Variants in SPINK9 observed in about 807,000 individuals in gnomAD.
SPINK9 encodes serine peptidase inhibitor Kazal type 9.
Under a neutral mutation model 10.8 loss-of-function variants are expected in SPINK9, and 3 were observed. The ratio of observed to expected loss-of-function variants is 0.28; its 90% CI spans 0.13 to 0.72. The LOEUF is 0.72. SPINK9 is among the 30% of genes least tolerant of loss of function. The pLI, the probability that SPINK9 is intolerant of heterozygous loss-of-function variation, is 0.74. For synonymous variants in SPINK9, 30 were observed against 31.2 expected, an observed-to-expected ratio of 0.96 and a Z score of 0.12; for missense variants, 101 against 103.2, an observed-to-expected ratio of 0.98 and a Z score of 0.09.
At chr5:148,327,551 T>A (rs1581185464) in intron 2 of SPINK9, among the ~76,000 whole-genome samples, 2 of 152,298 alleles carry the variant, frequency 1.3e-5, no homozygotes, top group Middle Eastern at 6.8e-3. Context: ...TGCCATTGCT[T>A]TTGGTGTTTT....
chr5:148,327,405 G>A (rs1266522759), intron 2 of SPINK9, among the ~76,000 whole-genome samples: 1 of 152,000 alleles, frequency 6.6e-6, no homozygotes, highest in African/African-American at 2.4e-5. Context: ...CTGGATATTA[G>A]CCCTTTGTCA....
At chr5:148,337,348 A>G (rs1757230200) in intron 2 of SPINK9, among the ~76,000 whole-genome samples, 2 of 152,142 alleles carry the variant, frequency 1.3e-5, no homozygotes, top group Non-Finnish European at 1.5e-5. Context: ...ATGCATACCT[A>G]TCTTTGCATC....
At chr5:148,323,941 A>C in intron 2 of SPINK9, 1 of 647,304 alleles carries the variant, frequency 1.5e-6, no homozygotes, top group East Asian at 2.8e-5. Flanking sequence ...TAAAGAGAAT[A>C]ATCACCCCTA....
upstream of SPINK9, chr5:148,335,493 T>C: frequency 8.7e-6 from 7 of 809,142 alleles, no homozygotes; most frequent in Non-Finnish European, 1.4e-5. Flanking sequence ...TACTTAGAAA[T>C]TGCTATTTCA....
chr5:148,337,418 G>GAATT (rs1164959672), intron 2 of SPINK9, among the ~76,000 whole-genome samples: 1 of 151,946 alleles, frequency 6.6e-6, no homozygotes, highest in African/African-American at 2.4e-5. Context: ...ATGAATGAAT[G>GAATT]AATTAATTAA....
upstream of SPINK9, among the ~76,000 whole-genome samples, chr5:148,334,082 T>G (rs6580545): frequency 0.39 from 59,240 of 151,580 alleles, 13,458 homozygotes; most frequent in African/African-American, 0.62. Context: ...CCAAGAAGAA[T>G]AATGAGGGGG....
At chr5:148,332,366 C>T (rs1757162471), upstream of SPINK9, among the ~76,000 whole-genome samples, 1 of 152,216 alleles carries the variant, frequency 6.6e-6, no homozygotes, top group African/African-American at 2.4e-5. Flanking sequence ...TCCCAACACA[C>T]ACATATTACA....
upstream of SPINK9, among the ~76,000 whole-genome samples, chr5:148,335,083 T>A (rs567773126): frequency 6.6e-6 from 1 of 152,308 alleles, no homozygotes; most frequent in South Asian, 2.1e-4. Context: ...ATTAGTAGTA[T>A]AAAGTGTCCT....
intron 3 of SPINK9, among the ~76,000 whole-genome samples, chr5:148,339,429 T>C (rs1757260691): frequency 6.6e-6 from 1 of 151,458 alleles, no homozygotes; most frequent in Admixed American, 6.6e-5. Context: ...TCCCTTAAAT[T>C]AAAAAAAAAT....
At chr5:148,322,716 C>T (rs923712559) in intron 1 of SPINK9, among the ~76,000 whole-genome samples, 6 of 152,136 alleles carry the variant, frequency 3.9e-5, no homozygotes, top group Admixed American at 3.3e-4. Flanking sequence ...AAGTGGCAGA[C>T]GGGTCTACTG....
chr5:148,328,527 T>G (rs1255391268), intron 2 of SPINK9, among the ~76,000 whole-genome samples: 1 of 152,192 alleles, frequency 6.6e-6, no homozygotes, highest in Non-Finnish European at 1.5e-5. Context: ...TGGCCAGAAC[T>G]TCCAACACTA....
In SPINK9 at chr5:148,336,406, T is replaced by G. The variant is rs1581190237; in HGVS notation, c.56-16T>G. 1.2e-6 allele frequency: 2 copies of G among 1,613,300 alleles called. No individual in the cohort carries two copies. The highest frequency in any genetic ancestry group is 1.7e-6 in the Non-Finnish European group (2 of 1,179,430). ...TTCCAGAGTTTAATATTGCCTTGTC[T>G]TTGTTTTTCTTCCAGGTATAGAATG... On this transcript the variant is annotated splice_polypyrimidine_tract_variant and intron_variant, in intron 1 of 3. Transcript: ENST00000377906.
intron 3 of SPINK9, among the ~76,000 whole-genome samples, chr5:148,339,256 G>C (rs1301717430): frequency 6.6e-6 from 1 of 151,836 alleles, no homozygotes; most frequent in Admixed American, 6.6e-5. Context: ...TGATATACTG[G>C]AATGTATAAA....
At chr5:148,335,784 TA>T (rs1042803858) in intron 1 of SPINK9, 116 bp downstream of exon 1, 1 of 1,260,644 alleles carries the variant, frequency 7.9e-7, no homozygotes, top group Non-Finnish European at 1.1e-6. Flanking sequence ...GGAAACTTTT[TA>T]AAATGAATCT....
intron 1 of SPINK9, among the ~76,000 whole-genome samples, chr5:148,322,941 G>C (rs1757015352): frequency 6.6e-6 from 1 of 152,002 alleles, no homozygotes; most frequent in Non-Finnish European, 1.5e-5. Flanking sequence ...TTGAAGTCTA[G>C]ATTTGGTCTA....
At chr5:148,329,041 C>G (rs1010844351) in intron 2 of SPINK9, among the ~76,000 whole-genome samples, 29 of 152,138 alleles carry the variant, frequency 1.9e-4, no homozygotes, top group African/African-American at 6.3e-4. Flanking sequence ...GGAGGATTCC[C>G]TCATTTTCTA....
At chr5:148,324,607 A>G (rs1757035590) in intron 2 of SPINK9, among the ~76,000 whole-genome samples, 1 of 152,108 alleles carries the variant, frequency 6.6e-6, no homozygotes, top group South Asian at 2.1e-4. Context: ...GAAACATTCT[A>G]CAAAATCACT....
chr5:148,329,952 G>T (rs1025123168), intron 2 of SPINK9, among the ~76,000 whole-genome samples: 2 of 152,136 alleles, frequency 1.3e-5, no homozygotes, highest in African/African-American at 4.8e-5. Flanking sequence ...GAATAGGTGT[G>T]GTGTGGTGCT....
At chr5:148,329,353 C>T (rs1757114945) in intron 2 of SPINK9, among the ~76,000 whole-genome samples, 1 of 152,020 alleles carries the variant, frequency 6.6e-6, no homozygotes, top group African/African-American at 2.4e-5. Flanking sequence ...GTGGTGATAT[C>T]CCCTTTGTCA....
Sources: gnomAD v4.1 joint callset for allele counts (sites outside exome capture counted in the v4.1 genomes callset) on GRCh38, gnomAD v4.1.1 for gene constraint, MANE v1.5 for transcripts, NCBI Gene and HGNC (gene_info 2026-07-23, HGNC 2026-07-21) for gene names.